The following TEX9 variants were observed in gnomAD, a reference collection of about 807,000 sequenced individuals.
TEX9 encodes the protein testis-expressed protein 9.
In TEX9, 74 loss-of-function variants were observed where a neutral mutation model predicts 59.6. The ratio of observed to expected loss-of-function variants is 1.24; its 90% CI spans 1.03 to 1.51. TEX9 has a LOEUF of 1.51. TEX9 is among the 40% of genes most tolerant of loss of function. The pLI is 0.00. For missense variants in TEX9, 522 were observed against 447.8 expected (o/e 1.17, Z -1.49); for synonymous variants, 186 against 152.2 (o/e 1.22, Z -1.64).
Position 56,332,563 on chromosome 15 carries a change from T to C in TEX9, c.-106-40878T>C, listed in dbSNP as rs1349580385. Among the ~76,000 whole-genome samples the C allele has an allele frequency of 2.0e-5, 3 of 151,312 alleles. 1 individual carries two copies. Among genetic ancestry groups the C allele is most frequent in the Non-Finnish European group, 4.4e-5 (3 of 67,938 alleles). Reference sequence around the variant, plus strand: ...GCAGCGCACCAGCATGGCTCATGTATACATATGTAACTAACCTCCACAATG... The same window carrying C: ...GCAGCGCACCAGCATGGCTCATGTACACATATGTAACTAACCTCCACAATG... On this transcript the variant is annotated intron_variant, in intron 1 of 5. Coordinates refer to the TEX9 transcript ENST00000560827.
the TEX9 span, among the ~76,000 whole-genome samples, chr15:56,459,165 A>G: frequency 6.6e-6 from 1 of 152,078 alleles, no homozygotes; most frequent in Admixed American, 6.6e-5. Flanking sequence ...TTTTGTCTCC[A>G]TGGATTTGCA....
At chr15:56,418,923 A>T (rs1423890867) in intron 10 of TEX9, among the ~76,000 whole-genome samples, 2 of 151,894 alleles carry the variant, frequency 1.3e-5, no homozygotes, top group Non-Finnish European at 2.9e-5. Context: ...TTGCATTTCC[A>T]TGTAAGTTTT....
exon 5 of TEX9, chr15:56,388,481 A>G (rs1463497706): frequency 1.2e-6 from 2 of 1,611,260 alleles, no homozygotes; most frequent in East Asian, 4.5e-5. Context: ...GAGGTCTGTT[A>G]CCATCTGAAG....
chr15:56,365,583 G>A (rs1212291000), exon 2 of TEX9: 1 of 1,614,100 alleles, frequency 6.2e-7, no homozygotes, highest in Non-Finnish European at 8.5e-7. Context: ...TTACAGAGAA[G>A]CAGCGTTCCA....
At chr15:56,457,845 A>C in the TEX9 span, among the ~76,000 whole-genome samples, 2 of 151,982 alleles carry the variant, frequency 1.3e-5, no homozygotes, top group Non-Finnish European at 2.9e-5. Flanking sequence ...TGCAATTATC[A>C]CACAACTCAA....
intron 1 of TEX9, among the ~76,000 whole-genome samples, chr15:56,251,868 G>A (rs1378409736): frequency 1.3e-5 from 2 of 152,066 alleles, no homozygotes; most frequent in African/African-American, 4.8e-5. Flanking sequence ...AGACATACAA[G>A]CGACGGCATA....
intron 1 of TEX9, among the ~76,000 whole-genome samples, chr15:56,300,693 GA>G (rs1361292066): frequency 5.2e-5 from 3 of 58,190 alleles, no homozygotes; most frequent in Non-Finnish European, 1.2e-4. Context: ...AGCAGAGAGA[GA>G]GAGAGAGAGA....
intron 1 of TEX9, among the ~76,000 whole-genome samples, chr15:56,334,853 A>G (rs1190349502): frequency 2.6e-5 from 4 of 152,194 alleles, no homozygotes; most frequent in African/African-American, 9.7e-5. Flanking sequence ...AAGGATCTGA[A>G]TAGACATTTC....
upstream of TEX9, chr15:56,365,322 T>G: frequency 3.1e-6 from 4 of 1,284,210 alleles, no homozygotes; most frequent in Non-Finnish European, 4.2e-6. Flanking sequence ...TGCCAGAGGC[T>G]CGCGCCGCTC....
At chr15:56,334,000 C>A (rs2718903) in intron 1 of TEX9, among the ~76,000 whole-genome samples, 4 of 151,848 alleles carry the variant, frequency 2.6e-5, no homozygotes, top group Non-Finnish European at 4.4e-5. Context: ...AACACTGATA[C>A]AAGAAATTGA....
chr15:56,294,555 T>A (rs2045173963), intron 1 of TEX9, among the ~76,000 whole-genome samples: 1 of 152,244 alleles, frequency 6.6e-6, no homozygotes, highest in Admixed American at 6.5e-5. Flanking sequence ...ACAAAGAAGC[T>A]TCTTTGTTAA....
chr15:56,456,167 G>C, the TEX9 span, among the ~76,000 whole-genome samples: 3 of 152,104 alleles, frequency 2.0e-5, no homozygotes, highest in Non-Finnish European at 4.4e-5. Flanking sequence ...AAAGGAAAGA[G>C]CAGGGGGACT....
At chr15:56,403,998 C>G (rs1406970186) in intron 9 of TEX9, among the ~76,000 whole-genome samples, 1 of 152,208 alleles carries the variant, frequency 6.6e-6, no homozygotes, top group Non-Finnish European at 1.5e-5. Context: ...GGATTAAAGA[C>G]TTAAATGTTA....
intron 1 of TEX9, among the ~76,000 whole-genome samples, chr15:56,325,016 A>G (rs1360909762): frequency 3.3e-5 from 5 of 152,214 alleles, no homozygotes; most frequent in Admixed American, 2.0e-4. Flanking sequence ...AGGTTCCAAT[A>G]GAGCCTAATA....
At position 56,257,637 on chromosome 15, in the gene TEX9, G is replaced by T. The variant is rs113700638; in HGVS notation, c.-107+13359G>T. On this transcript the variant is annotated intron_variant, in intron 1 of 5. Transcript: ENST00000560827. ...TATGTCCTTTGCCCACTTTTTAATC[G>T]GGTTGTTTTTTCTTGTAAGTTTGTT... Among the ~76,000 whole-genome samples, 1,190 of 151,968 alleles carry T rather than the reference G, an allele frequency of 7.8e-3. 14 individuals are homozygous for T. The highest frequency in any genetic ancestry group is 0.028 in the African/African-American group (1,155 of 41,498).
chr15:56,295,549 G>A (rs1288636782), intron 1 of TEX9, among the ~76,000 whole-genome samples: 6 of 152,160 alleles, frequency 3.9e-5, no homozygotes, highest in African/African-American at 1.2e-4. Flanking sequence ...TCCTTTAAAA[G>A]CACTGTCATC....
chr15:56,413,270 T>A (rs905359065), intron 10 of TEX9, among the ~76,000 whole-genome samples: 3 of 102,396 alleles, frequency 2.9e-5, no homozygotes, highest in East Asian at 5.2e-4. Flanking sequence ...TTAAATAATT[T>A]AATAATTAAA....
Position 56,413,195 on chromosome 15 carries a change from A to G in TEX9, c.963+759A>G, listed in dbSNP as rs1006005078. On this transcript the variant is annotated intron_variant, in intron 10 of 12. Coordinates refer to ENST00000352903, the Ensembl canonical transcript of TEX9. Reference sequence around the variant, plus strand: ...TTTTTAAATTCTATTTAATAATTAAATATTTAATATTTAATAATTAAATAA... The same window carrying G: ...TTTTTAAATTCTATTTAATAATTAAGTATTTAATATTTAATAATTAAATAA... Among the ~76,000 whole-genome samples the G allele has an allele frequency of 1.8e-3, 77 of 43,458 alleles. 1 individual carries two copies. Among genetic ancestry groups the G allele is most frequent in the Non-Finnish European group, 3.2e-3 (65 of 20,520 alleles). 28.5% of individuals were successfully genotyped at this position (43,458 alleles called of 152,430 possible). A position where few individuals can be genotyped will look rare whatever the true frequency, so the allele number is the denominator to read the frequency against.
intron 1 of TEX9, among the ~76,000 whole-genome samples, chr15:56,266,480 C>G (rs1207385184): frequency 1.3e-5 from 2 of 150,556 alleles, no homozygotes; most frequent in Non-Finnish European, 3.0e-5. Flanking sequence ...CCCCCATCCC[C>G]CCCACCCAAT....
Sources: allele counts gnomAD v4.1 joint callset (sites outside exome capture counted in the v4.1 genomes callset), GRCh38; gene constraint gnomAD v4.1.1; transcripts MANE v1.5; gene names NCBI Gene and HGNC (gene_info 2026-07-23, HGNC 2026-07-21).